The following CDC42SE2 variants were observed in gnomAD, a reference collection of about 807,000 sequenced individuals.
CDC42SE2 encodes the protein CDC42 small effector protein 2.
Under a neutral mutation model 11.5 loss-of-function variants are expected in CDC42SE2, and 3 were observed. The observed-to-expected ratio is 0.26, with a 90% CI of 0.12 to 0.67. CDC42SE2 has a LOEUF of 0.67. CDC42SE2 is among the 30% of genes least tolerant of loss of function. The probability of loss-of-function intolerance (pLI) is 0.80; values close to 1 mark genes in which losing one functional copy is unlikely to be tolerated. For synonymous variants in CDC42SE2, 33 were observed against 34.8 expected, an observed-to-expected ratio of 0.95 and a Z score of 0.18; for missense variants, 82 against 106.8, an observed-to-expected ratio of 0.77 and a Z score of 1.02.
intron 1 of CDC42SE2, among the ~76,000 whole-genome samples, chr5:131,246,615 T>G (rs1314160443): frequency 6.6e-6 from 1 of 152,112 alleles, no homozygotes; most frequent in Non-Finnish European, 1.5e-5. Flanking sequence ...TTTATCTGGA[T>G]AAATAATTTT....
Position 131,350,649 on chromosome 5 carries a change from GTA to G in CDC42SE2, c.-285-8553_-285-8552del, listed in dbSNP as rs575114498. 3.5e-3 allele frequency among the ~76,000 whole-genome samples: 479 copies of G among 135,770 alleles called. 4 individuals carry two copies. Among genetic ancestry groups the G allele is most frequent in the African/African-American group, 0.014 (467 of 33,422 alleles). The allele number at this position is 135,770 out of a possible 152,430, so 89.1% of individuals were successfully genotyped here. A position where few individuals can be genotyped will look rare whatever the true frequency, so the allele number is the denominator to read the frequency against. ...TGTGTGTGTGTGTGTATATATATAT[GTA>G]TATATAATTTGACTTACGTATAAAT... On this transcript the variant is annotated intron_variant, in intron 2 of 4. Coordinates refer to ENST00000505065, the MANE Select transcript of CDC42SE2 (RefSeq NM_001375635.1).
chr5:131,296,705 T>C (rs2149713133), intron 1 of CDC42SE2, among the ~76,000 whole-genome samples: 1 of 152,250 alleles, frequency 6.6e-6, no homozygotes, highest in Non-Finnish European at 1.5e-5. Flanking sequence ...CATTCAGAGG[T>C]ACTGGGGGGG....
chr5:131,332,565 C>T (rs1269834492), intron 2 of CDC42SE2, among the ~76,000 whole-genome samples: 2 of 152,124 alleles, frequency 1.3e-5, no homozygotes. Context: ...AATGGTTGAA[C>T]TAGTTTACAG....
chr5:131,322,816 G>A (rs545710602), intron 2 of CDC42SE2, among the ~76,000 whole-genome samples: 5 of 152,296 alleles, frequency 3.3e-5, no homozygotes, highest in African/African-American at 9.6e-5. Flanking sequence ...ATATATCCCA[G>A]AAGTAGATAG....
Position 131,264,088 on chromosome 5 carries a change from G to A in CDC42SE2, c.-533G>A, listed in dbSNP as rs1756798333. 6.6e-6 allele frequency: 1 copy of A among 152,244 alleles called. No homozygotes were observed. The highest frequency in any genetic ancestry group is 1.5e-5 in the Non-Finnish European group (1 of 68,148). The allele number at this position is 152,244 out of a possible 1,614,324, so 9.4% of individuals were successfully genotyped here. A position where few individuals can be genotyped will look rare whatever the true frequency, so the allele number is the denominator to read the frequency against. On this transcript the variant is annotated 5_prime_UTR_variant, in exon 1 of 5. Transcript: ENST00000505065. ...GAGCGCGCTGGGGAGCGCAGCTGCA[G>A]GCGTTGGGGCGGCAGGAGCCGCGGA...
chr5:131,262,863 TGC>T (rs1296000534), upstream of CDC42SE2, among the ~76,000 whole-genome samples: 8 of 152,244 alleles, frequency 5.3e-5, no homozygotes, highest in East Asian at 1.3e-3. Flanking sequence ...AAGCCATGGA[TGC>T]GGAGGGCTGA....
chr5:131,337,674 A>C (rs1758607055), intron 2 of CDC42SE2, among the ~76,000 whole-genome samples: 2 of 151,230 alleles, frequency 1.3e-5, no homozygotes, highest in African/African-American at 2.4e-5. Flanking sequence ...AATGGCGGGC[A>C]CCCCTCCCCC....
At chr5:131,349,118 A>G (rs868157181) in intron 2 of CDC42SE2, among the ~76,000 whole-genome samples, 8 of 152,210 alleles carry the variant, frequency 5.3e-5, no homozygotes, top group Non-Finnish European at 1.0e-4. Context: ...AGCAATGGCA[A>G]CAAAAGCCAA....
chr5:131,257,173 G>T (rs1756685144), intron 2 of CDC42SE2, among the ~76,000 whole-genome samples: 1 of 152,168 alleles, frequency 6.6e-6, no homozygotes, highest in Admixed American at 6.5e-5. Flanking sequence ...TGCTGGGGGA[G>T]GAGTGTAGAT....
At chr5:131,229,419 T>C in the CDC42SE2 span, among the ~76,000 whole-genome samples, 3 of 151,938 alleles carry the variant, frequency 2.0e-5, no homozygotes, top group Non-Finnish European at 4.4e-5. Context: ...TTGTTATTAT[T>C]ATTATTATTA....
upstream of CDC42SE2, chr5:131,263,865 T>C (rs1038887917): frequency 6.6e-6 from 1 of 152,136 alleles, no homozygotes; most frequent in Non-Finnish European, 1.5e-5. Context: ...ATCCCGGGGG[T>C]CCCATCGCCT....
chr5:131,315,433 G>A (rs1427498293), intron 1 of CDC42SE2, among the ~76,000 whole-genome samples: 1 of 152,192 alleles, frequency 6.6e-6, no homozygotes, highest in Non-Finnish European at 1.5e-5. Flanking sequence ...GAGTTTGCAA[G>A]CTCAGATGTC....
At chr5:131,294,537 A>G (rs1289146134) in intron 1 of CDC42SE2, among the ~76,000 whole-genome samples, 1 of 152,224 alleles carries the variant, frequency 6.6e-6, no homozygotes, top group Non-Finnish European at 1.5e-5. Context: ...GATGTAGACA[A>G]GCAACAAATG....
intron 2 of CDC42SE2, among the ~76,000 whole-genome samples, chr5:131,345,605 C>T (rs934744296): frequency 8.5e-5 from 13 of 152,088 alleles, no homozygotes; most frequent in Non-Finnish European, 1.3e-4. Context: ...ACTTCCCCAA[C>T]CTAGCAAGGC....
At chr5:131,283,634 C>G (rs1757284508) in intron 1 of CDC42SE2, among the ~76,000 whole-genome samples, 1 of 151,868 alleles carries the variant, frequency 6.6e-6, no homozygotes, top group Non-Finnish European at 1.5e-5. Flanking sequence ...ACTGGGATTG[C>G]AGGCCTGTGC....
the CDC42SE2 span, among the ~76,000 whole-genome samples, chr5:131,215,569 A>C: frequency 6.6e-6 from 1 of 152,212 alleles, no homozygotes; most frequent in African/African-American, 2.4e-5. Flanking sequence ...AGCTACTGAC[A>C]GTCGCTCCTG....
At chr5:131,273,158 A>AT (rs565779371) in intron 1 of CDC42SE2, among the ~76,000 whole-genome samples, 5,663 of 138,880 alleles carry the variant, frequency 0.041, 338 homozygotes, top group African/African-American at 0.13. Context: ...TTTTTTTATA[A>AT]TTTTTTTTTT....
At chr5:131,385,685 A>G (rs374781694) in intron 4 of CDC42SE2, 41 bp downstream of exon 4, 57 of 1,267,238 alleles carry the variant, frequency 4.5e-5, no homozygotes, top group Non-Finnish European at 6.3e-5. Context: ...GCATTGGGGC[A>G]TAGTCATATG....
chr5:131,317,020 TTAA>T (rs1477882434), intron 2 of CDC42SE2, among the ~76,000 whole-genome samples: 1 of 152,248 alleles, frequency 6.6e-6, no homozygotes, highest in African/African-American at 2.4e-5. Flanking sequence ...CTAATACTTC[TTAA>T]TGATGTCATC....
Sources: gnomAD v4.1 joint callset for allele counts (sites outside exome capture counted in the v4.1 genomes callset) on GRCh38, gnomAD v4.1.1 for gene constraint, MANE v1.5 for transcripts, NCBI Gene and HGNC (gene_info 2026-07-23, HGNC 2026-07-21) for gene names.